Variants in CTNND2 observed in about 807,000 individuals in gnomAD.
The protein encoded by CTNND2 is catenin delta 2, also known as catenin delta-2.
In CTNND2, 22 loss-of-function variants were observed where a neutral mutation model predicts 144.4. That is an observed-to-expected ratio of 0.15 (90% CI 0.11 to 0.22). CTNND2 has a LOEUF of 0.22. Ranked by LOEUF, CTNND2 falls within the 10% of genes least tolerant of loss-of-function variation. CTNND2 has a pLI of 1.00. For missense variants in CTNND2, 1,353 were observed against 1,618.8 expected (o/e 0.84, Z 2.82); for synonymous variants, 751 against 695.6 (o/e 1.08, Z -1.25).
Position 10,981,791 on chromosome 5 carries a change from T to C in CTNND2, c.3399A>G (p.Glu1133=). 6.2e-7 allele frequency: 1 copy of C among 1,614,054 alleles called. No individual in the cohort carries two copies. Among genetic ancestry groups the C allele is most frequent in the Non-Finnish European group, 8.5e-7 (1 of 1,179,946 alleles). ...ACTTTACCTGGTTGTGTTTGATGTC[T>C]TCAGCGGGCGCACCATAAGAATTCC... ...LYRNSYGAPA[E]DIKHNQVSAQ... is the part of the protein sequence containing the mutation. Residue 1133 remains glutamate, a synonymous_variant, in exon 21 of 22, where the codon GAA becomes GAG. Coordinates refer to ENST00000304623, the MANE Select transcript of CTNND2 (RefSeq NM_001332.4).
intron 2 of CTNND2, among the ~76,000 whole-genome samples, chr5:11,620,833 C>G (rs1278957884): frequency 6.6e-6 from 1 of 152,180 alleles, no homozygotes; most frequent in African/African-American, 2.4e-5. Context: ...TGACACTTAG[C>G]CTAGTGGCTC....
intron 3 of CTNND2, among the ~76,000 whole-genome samples, chr5:11,513,313 C>T (rs1771834093): frequency 6.6e-6 from 1 of 152,188 alleles, no homozygotes; most frequent in African/African-American, 2.4e-5. Flanking sequence ...TAATACCATG[C>T]TTGTTTTGCA....
At chr5:11,845,277 G>A (rs531683047) in intron 1 of CTNND2, among the ~76,000 whole-genome samples, 26 of 152,206 alleles carry the variant, frequency 1.7e-4, no homozygotes, top group African/African-American at 6.3e-4. Flanking sequence ...CCCCAGCACA[G>A]TACTTTAATA....
At chr5:11,326,031 A>G (rs1477482784) in intron 9 of CTNND2, among the ~76,000 whole-genome samples, 7 of 152,204 alleles carry the variant, frequency 4.6e-5, no homozygotes, top group Non-Finnish European at 1.0e-4. Flanking sequence ...TTAGCCTATT[A>G]CACACACATG....
At chr5:11,272,267 C>G (rs941723708) in intron 9 of CTNND2, among the ~76,000 whole-genome samples, 8 of 152,170 alleles carry the variant, frequency 5.3e-5, no homozygotes, top group Non-Finnish European at 8.8e-5. Flanking sequence ...ACACACCACT[C>G]TATAGCCACT....
chr5:11,733,766 C>T lies in CTNND2; in HGVS notation c.38-1494G>A, dbSNP rs935450486. The stretch of plus-strand genomic sequence containing the variant: ...GTCTGAGTTTATTTGTGAAAGAAAG[C>T]AGAAACTCAAATAACATTAGACCCA... On this transcript the variant is annotated intron_variant, in intron 1 of 21. Coordinates refer to ENST00000304623, the MANE Select transcript of CTNND2 (RefSeq NM_001332.4). Among the ~76,000 whole-genome samples, 28 of 152,148 alleles carry T rather than the reference C, an allele frequency of 1.8e-4. 1 individual carries two copies. The highest frequency in any genetic ancestry group is 5.6e-4 in the African/African-American group (23 of 41,426).
chr5:11,305,505 T>G (rs1029940586), intron 9 of CTNND2, among the ~76,000 whole-genome samples: 21 of 152,220 alleles, frequency 1.4e-4, no homozygotes, highest in African/African-American at 5.1e-4. Flanking sequence ...GTGGCTCTTG[T>G]GTCATTTGTC....
intron 7 of CTNND2, among the ~76,000 whole-genome samples, chr5:11,379,312 TG>T (rs1758251687): frequency 6.6e-6 from 1 of 152,174 alleles, no homozygotes; most frequent in Admixed American, 6.5e-5. Flanking sequence ...TTTTCTCCAC[TG>T]ACACAAAAAT....
chr5:11,903,480 T>C lies in CTNND2; in HGVS notation c.37+337A>G. The C allele has an allele frequency of 1.5e-6, 1 of 651,578 alleles. No homozygotes were observed. The highest frequency in any genetic ancestry group is 2.0e-6 in the Non-Finnish European group (1 of 498,802). 40.4% of individuals were successfully genotyped at this position (651,578 alleles called of 1,614,324 possible). A position where few individuals can be genotyped will look rare whatever the true frequency, so the allele number is the denominator to read the frequency against. Reference sequence around the variant, plus strand: ...TTAGGGACGTCATGAATGCACCGAGTATGTTCTCAGGGTGGCGGGGAGCAG... The same window carrying C: ...TTAGGGACGTCATGAATGCACCGAGCATGTTCTCAGGGTGGCGGGGAGCAG... On this transcript the variant is annotated intron_variant, in intron 1 of 21. Coordinates refer to ENST00000304623, the MANE Select transcript of CTNND2 (RefSeq NM_001332.4). This position sits in a 1 kb window ranked among gnomAD's most constrained non-coding sequence, Gnocchi z 5.4.
chr5:11,612,726 C>A (rs1780391547), intron 2 of CTNND2, among the ~76,000 whole-genome samples: 1 of 152,028 alleles, frequency 6.6e-6, no homozygotes, highest in South Asian at 2.1e-4. Context: ...ATACTGAGAT[C>A]CCCACCTCTA....
intron 3 of CTNND2, among the ~76,000 whole-genome samples, chr5:11,495,729 C>G (rs1340157903): frequency 3.3e-5 from 5 of 152,222 alleles, no homozygotes; most frequent in Admixed American, 2.6e-4. Context: ...TCTCCTGCCT[C>G]TGGCAGAACA....
intron 9 of CTNND2, among the ~76,000 whole-genome samples, chr5:11,240,124 CCCCAACACACACA>C (rs1402759127): frequency 1.2e-4 from 17 of 142,098 alleles, no homozygotes; most frequent in African/African-American, 1.6e-4. Context: ...ACACACACAC[CCCCAACACACACA>C]CCCAACACAC....
chr5:11,143,889 T>G (rs531315913), intron 12 of CTNND2, among the ~76,000 whole-genome samples: 1 of 151,924 alleles, frequency 6.6e-6, no homozygotes, highest in Non-Finnish European at 1.5e-5. Flanking sequence ...AGGTTTTCCA[T>G]AGGGGCAGTC....
At chr5:11,303,918 A>G (rs1188564608) in intron 9 of CTNND2, among the ~76,000 whole-genome samples, 2 of 152,214 alleles carry the variant, frequency 1.3e-5, no homozygotes, top group East Asian at 3.9e-4. Flanking sequence ...GGTTTCCCCC[A>G]TACTGTTCTC....
At chr5:11,568,854 G>A (rs1243250102) in intron 2 of CTNND2, among the ~76,000 whole-genome samples, 2 of 152,180 alleles carry the variant, frequency 1.3e-5, no homozygotes, top group Admixed American at 1.3e-4. Flanking sequence ...GCTAATAAGG[G>A]CAGGTGAGTA....
intron 1 of CTNND2, among the ~76,000 whole-genome samples, chr5:11,883,768 A>G (rs2127080650): frequency 6.6e-6 from 1 of 152,320 alleles, no homozygotes; most frequent in South Asian, 2.1e-4. Flanking sequence ...TGTCTTCCAC[A>G]ATGGTTGAAC....
intron 12 of CTNND2, among the ~76,000 whole-genome samples, chr5:11,149,285 T>C (rs1263370416): frequency 6.6e-6 from 1 of 152,194 alleles, no homozygotes; most frequent in East Asian, 1.9e-4. Context: ...GGCAGAACCC[T>C]CATGTGTTTA....
intron 1 of CTNND2, among the ~76,000 whole-genome samples, chr5:11,819,228 GTT>G (rs1436385200): frequency 6.6e-6 from 1 of 152,200 alleles, no homozygotes; most frequent in African/African-American, 2.4e-5. Flanking sequence ...GAAGTCAGGA[GTT>G]TGAGACCAGC....
intron 21 of CTNND2, among the ~76,000 whole-genome samples, chr5:10,980,226 A>C (rs1465291922): frequency 6.6e-6 from 1 of 152,192 alleles, no homozygotes; most frequent in African/African-American, 2.4e-5. Flanking sequence ...ACCCATCAAA[A>C]AGTGAGCAAA....
Sources: gnomAD v4.1 joint callset for allele counts (sites outside exome capture counted in the v4.1 genomes callset) on GRCh38, gnomAD v4.1.1 for gene constraint, Gnocchi (gnomAD v3.1) non-coding constraint, MANE v1.5 for transcripts, NCBI Gene and HGNC (gene_info 2026-07-23, HGNC 2026-07-21) for gene names.